The following GABRB1 variants were observed in gnomAD, a reference collection of about 807,000 sequenced individuals.
The protein encoded by GABRB1 is gamma-aminobutyric acid type A receptor subunit beta1, also known as gamma-aminobutyric acid receptor subunit beta-1.
Under a neutral mutation model 51.6 loss-of-function variants are expected in GABRB1, and 17 were observed. That is an observed-to-expected ratio of 0.33 (90% CI 0.23 to 0.49). GABRB1 has a LOEUF of 0.49. Ranked by LOEUF, GABRB1 falls within the 20% of genes least tolerant of loss-of-function variation. The probability of loss-of-function intolerance (pLI) is 0.99; values close to 1 mark genes in which losing one functional copy is unlikely to be tolerated. For synonymous variants in GABRB1, 247 were observed against 218.9 expected (o/e 1.13, Z -1.14); for missense variants, 410 against 600.6 (o/e 0.68, Z 3.32).
At position 47,332,611 on chromosome 4, in the gene GABRB1, A is replaced by G. The variant is rs181979847; in HGVS notation, c.544+12402A>G. ...TGATACTATGCCCCACCCCAGGCCA[A>G]TAGCATCAGAATTTGTGGAAGGTGG... On this transcript the variant is annotated intron_variant, in intron 5 of 8. Transcript: ENST00000295454. Among the ~76,000 whole-genome samples the G allele has an allele frequency of 9.2e-5, 14 of 152,310 alleles. No individual in the cohort carries two copies. In the East Asian group the frequency reaches 2.1e-3, roughly 23 times the overall value.
intron 4 of GABRB1, among the ~76,000 whole-genome samples, chr4:47,304,312 C>T (rs957102192): frequency 6.6e-6 from 1 of 151,920 alleles, no homozygotes; most frequent in African/African-American, 2.4e-5. Flanking sequence ...TATCTTTCAT[C>T]TTTTTGATAA....
intron 5 of GABRB1, among the ~76,000 whole-genome samples, chr4:47,321,136 G>A (rs1355254965): frequency 6.6e-6 from 1 of 152,086 alleles, no homozygotes; most frequent in East Asian, 1.9e-4. Context: ...TTTCAGAGGT[G>A]CAAAAAAATG....
Position 47,426,091 on chromosome 4 carries a change from C to A in GABRB1, c.*73C>A. ...TTTTAACCTTACAGGTCCCCAACAG[C>A]GATACTGCTGTTTCTCGAGGTAAGA... On this transcript the variant is annotated 3_prime_UTR_variant, in exon 9 of 9. Coordinates refer to ENST00000295454, the MANE Select transcript of GABRB1 (RefSeq NM_000812.4). The A allele has an allele frequency of 8.2e-7, 1 of 1,213,624 alleles. No individual in the cohort carries two copies. 75.2% of individuals were successfully genotyped at this position (1,213,624 alleles called of 1,614,324 possible). A position where few individuals can be genotyped will look rare whatever the true frequency, so the allele number is the denominator to read the frequency against.
At chr4:47,054,662 A>G (rs1043580193) in intron 3 of GABRB1, among the ~76,000 whole-genome samples, 3 of 151,990 alleles carry the variant, frequency 2.0e-5, no homozygotes, top group African/African-American at 7.2e-5. Flanking sequence ...GCTCACTGCA[A>G]TCTCCACCTC....
intron 4 of GABRB1, among the ~76,000 whole-genome samples, chr4:47,262,878 T>C (rs1278631042): frequency 3.3e-5 from 5 of 151,668 alleles, no homozygotes; most frequent in African/African-American, 1.2e-4. Context: ...AAATGATGAG[T>C]TCATGTCCTT....
intron 3 of GABRB1, among the ~76,000 whole-genome samples, chr4:47,055,411 T>A (rs964631614): frequency 1.4e-4 from 22 of 152,332 alleles, no homozygotes; most frequent in African/African-American, 4.3e-4. Context: ...AGGAGCTCAG[T>A]AGTGGGCTTT....
intron 3 of GABRB1, among the ~76,000 whole-genome samples, chr4:47,112,934 T>TA (rs1473069902): frequency 6.6e-6 from 1 of 152,208 alleles, no homozygotes; most frequent in Non-Finnish European, 1.5e-5. Context: ...TTTATCTCTT[T>TA]ATTGCCTTTC....
chr4:47,371,521 C>G (rs906636955), intron 5 of GABRB1, among the ~76,000 whole-genome samples: 1 of 152,196 alleles, frequency 6.6e-6, no homozygotes, highest in Admixed American at 6.5e-5. Flanking sequence ...ACGCTGTCTT[C>G]CACAATGGTT....
chr4:47,038,315 C>CTT (rs1453314895), intron 3 of GABRB1, among the ~76,000 whole-genome samples: 1 of 152,152 alleles, frequency 6.6e-6, no homozygotes, highest in East Asian at 1.9e-4. Flanking sequence ...CCTCATCCAA[C>CTT]TTTTTCTTCC....
chr4:47,266,269 G>T (rs908240362), intron 4 of GABRB1, among the ~76,000 whole-genome samples: 3 of 151,902 alleles, frequency 2.0e-5, no homozygotes, highest in African/African-American at 7.3e-5. Flanking sequence ...TTACTTCTGG[G>T]TTCTCTATTC....
At chr4:47,274,312 C>T (rs1019708670) in intron 4 of GABRB1, among the ~76,000 whole-genome samples, 1 of 152,100 alleles carries the variant, frequency 6.6e-6, no homozygotes, top group Non-Finnish European at 1.5e-5. Flanking sequence ...TTTAAAAAGA[C>T]AATGAATGTT....
intron 4 of GABRB1, among the ~76,000 whole-genome samples, chr4:47,271,695 A>T (rs1578052444): frequency 6.6e-6 from 1 of 152,244 alleles, no homozygotes; most frequent in African/African-American, 2.4e-5. Flanking sequence ...TCTTTCAGAG[A>T]TATATCATCA....
At chr4:47,131,092 C>T (rs920071509) in intron 3 of GABRB1, among the ~76,000 whole-genome samples, 1 of 152,132 alleles carries the variant, frequency 6.6e-6, no homozygotes, top group Non-Finnish European at 1.5e-5. Context: ...TATATTGTTC[C>T]TACCCAGCCC....
chr4:47,217,668 A>T (rs944050119), intron 4 of GABRB1, among the ~76,000 whole-genome samples: 1 of 151,506 alleles, frequency 6.6e-6, no homozygotes, highest in Non-Finnish European at 1.5e-5. Context: ...TCCTTTTTAG[A>T]TTTTTTAAAT....
Position 47,032,200 on chromosome 4 carries a change from G to A in GABRB1, c.172+195G>A, listed in dbSNP as rs773330514. ...TCTCAGGTGGATGAATCCTCAGGCGGAGGCGACCTTCTCCCGGGCCGACAC... is the reference window on the plus strand; with the variant it reads ...TCTCAGGTGGATGAATCCTCAGGCGAAGGCGACCTTCTCCCGGGCCGACAC... On this transcript the variant is annotated intron_variant, in intron 2 of 8. Transcript: ENST00000295454. 7.1e-4 allele frequency among the ~76,000 whole-genome samples: 108 copies of A among 151,068 alleles called. 2 individuals are homozygous for A. Among genetic ancestry groups the A allele is most frequent in the Non-Finnish European group, 1.2e-3 (82 of 67,890 alleles).
intron 5 of GABRB1, among the ~76,000 whole-genome samples, chr4:47,385,699 C>T (rs74704494): frequency 0.018 from 2,707 of 152,234 alleles, 87 homozygotes; most frequent in African/African-American, 0.062. Flanking sequence ...TCAGACTCCA[C>T]AGGTTTAATG....
At chr4:47,264,876 A>G (rs1157332549) in intron 4 of GABRB1, among the ~76,000 whole-genome samples, 1 of 152,128 alleles carries the variant, frequency 6.6e-6, no homozygotes, top group Admixed American at 6.6e-5. Flanking sequence ...ATGAGTTTGC[A>G]TTTTCTAGAA....
chr4:47,392,240 GA>G (rs1728023108), intron 5 of GABRB1, among the ~76,000 whole-genome samples: 1 of 152,032 alleles, frequency 6.6e-6, no homozygotes, highest in Non-Finnish European at 1.5e-5. Flanking sequence ...TGCCAAAAGA[GA>G]GGTGACTTCT....
At position 47,145,247 on chromosome 4, in the gene GABRB1, T is replaced by C. The variant is rs932333753; in HGVS notation, c.241-16002T>C. Among the ~76,000 whole-genome samples, 3 of 152,134 alleles carry C rather than the reference T, an allele frequency of 2.0e-5. 1 individual carries two copies. The South Asian group carries it at 6.2e-4, about 32-fold the overall frequency. ...TTTCTTGTCAAAGAAGAGTCTGGAC[T>C]TCCTTTTTTGGACTTATGGCAGCTA... On this transcript the variant is annotated intron_variant, in intron 3 of 8. Transcript: ENST00000295454.
Sources: allele counts gnomAD v4.1 joint callset (sites outside exome capture counted in the v4.1 genomes callset), GRCh38; gene constraint gnomAD v4.1.1; transcripts MANE v1.5; gene names NCBI Gene and HGNC (gene_info 2026-07-23, HGNC 2026-07-21).